The following DLGAP1 variants were observed in gnomAD, a reference collection of about 807,000 sequenced individuals.
The protein encoded by DLGAP1 is disks large-associated protein 1.
DLGAP1 carries 11 observed loss-of-function variants against 90.8 expected under a neutral mutation model. That is an observed-to-expected ratio of 0.12 (90% confidence interval 0.08 to 0.20). DLGAP1 has a LOEUF of 0.20. DLGAP1 is among the 10% of genes least tolerant of loss of function. DLGAP1 has a pLI of 1.00. For synonymous variants in DLGAP1, 558 were observed against 540.7 expected, an observed-to-expected ratio of 1.03 and a Z score of -0.44; for missense variants, 1,050 against 1,333.8, an observed-to-expected ratio of 0.79 and a Z score of 3.31.
Position 3,499,386 on chromosome 18 carries a change from C to T in DLGAP1, c.2733G>A (p.Arg911=), listed in dbSNP as rs1453774913. ...QMDPLDKKER[R]APPPVPKKPA... is the part of the protein sequence containing the mutation. ...GCTTCTTTGGCACTGGAGGAGGGGC[C>T]CTTCTCTCCTGATCAAAGCAGAAGG... The change falls in exon 13 of 13, where the codon AGG becomes AGA. Residue 911 remains arginine, a synonymous_variant. Transcript: ENST00000315677. The surrounding 1 kb of genome is among the most constrained non-coding windows in gnomAD (Gnocchi z 6.4). 2 of 1,548,832 alleles carry T rather than the reference C, an allele frequency of 1.3e-6. No homozygotes were observed. Among genetic ancestry groups the T allele is most frequent in the Non-Finnish European group, 1.7e-6 (2 of 1,146,530 alleles).
At chr18:3,917,437 T>TAG (rs2072170282) in intron 3 of DLGAP1, among the ~76,000 whole-genome samples, 4 of 152,190 alleles carry the variant, frequency 2.6e-5, no homozygotes, top group African/African-American at 9.6e-5. Context: ...AGGAGGCCAA[T>TAG]ATCCATTTCT....
At chr18:4,252,311 C>G (rs1380661101) in intron 1 of DLGAP1, among the ~76,000 whole-genome samples, 1 of 152,184 alleles carries the variant, frequency 6.6e-6, no homozygotes, top group African/African-American at 2.4e-5. Context: ...TGAATGATAT[C>G]TATTCACTTA....
At chr18:3,530,045 T>A (rs1156729935) in intron 10 of DLGAP1, among the ~76,000 whole-genome samples, 1 of 152,200 alleles carries the variant, frequency 6.6e-6, no homozygotes, top group African/African-American at 2.4e-5. Flanking sequence ...GAGAGGTAGA[T>A]CAAGTCTCAG....
At chr18:3,690,380 C>G (rs947046154) in intron 7 of DLGAP1, among the ~76,000 whole-genome samples, 1 of 151,710 alleles carries the variant, frequency 6.6e-6, no homozygotes. Flanking sequence ...AGCTACCAAC[C>G]CAGGGCAAGG....
At chr18:4,150,685 C>T (rs576026743) in intron 2 of DLGAP1, among the ~76,000 whole-genome samples, 5 of 152,332 alleles carry the variant, frequency 3.3e-5, no homozygotes, top group Admixed American at 6.5e-5. Flanking sequence ...CTGCCCACCT[C>T]GGTCTCCCAA....
At chr18:3,549,286 T>C (rs2053237837) in intron 9 of DLGAP1, among the ~76,000 whole-genome samples, 1 of 152,066 alleles carries the variant, frequency 6.6e-6, no homozygotes, top group Admixed American at 6.5e-5. Context: ...GCTGAAGATT[T>C]AGATTTCTCT....
At chr18:4,174,336 TTTA>T (rs948016475) in intron 1 of DLGAP1, among the ~76,000 whole-genome samples, 8 of 151,998 alleles carry the variant, frequency 5.3e-5, no homozygotes, top group African/African-American at 1.2e-4. Flanking sequence ...TATTTTATTT[TTTA>T]TTATTATTTT....
chr18:3,751,430 G>A (rs1431404367), intron 5 of DLGAP1, among the ~76,000 whole-genome samples: 1 of 151,992 alleles, frequency 6.6e-6, no homozygotes, highest in Non-Finnish European at 1.5e-5. Context: ...CTGAGTAGCT[G>A]GGACCACAGG....
intron 1 of DLGAP1, among the ~76,000 whole-genome samples, chr18:4,291,879 T>A (rs1167684555): frequency 6.6e-6 from 1 of 152,156 alleles, no homozygotes; most frequent in Non-Finnish European, 1.5e-5. Flanking sequence ...AATGTTTGAA[T>A]TGCATAAAAA....
chr18:4,204,224 T>G (rs571393621), intron 1 of DLGAP1, among the ~76,000 whole-genome samples: 20 of 152,312 alleles, frequency 1.3e-4, no homozygotes, highest in African/African-American at 4.6e-4. Context: ...AGGAGCAAAC[T>G]CTTTTAAGAT....
chr18:4,445,845 G>A (rs1053704741), intron 1 of DLGAP1, among the ~76,000 whole-genome samples: 10 of 152,106 alleles, frequency 6.6e-5, no homozygotes, highest in African/African-American at 2.4e-4. Flanking sequence ...TAAAATGTGT[G>A]CTGTGAGAGG....
At chr18:3,611,557 T>C (rs937944402) in intron 7 of DLGAP1, among the ~76,000 whole-genome samples, 1 of 152,086 alleles carries the variant, frequency 6.6e-6, no homozygotes, top group African/African-American at 2.4e-5. Flanking sequence ...TGCTTGTCAT[T>C]TCTGTTAACG....
chr18:3,626,402 T>C (rs1349065908), intron 7 of DLGAP1, among the ~76,000 whole-genome samples: 1 of 151,656 alleles, frequency 6.6e-6, no homozygotes, highest in Non-Finnish European at 1.5e-5. Flanking sequence ...AAGACAAGCC[T>C]GGGCAACATG....
chr18:4,251,337 C>A (rs1289177799), intron 1 of DLGAP1, among the ~76,000 whole-genome samples: 1 of 152,156 alleles, frequency 6.6e-6, no homozygotes, highest in African/African-American at 2.4e-5. Flanking sequence ...AGTCCAAGAA[C>A]TTGACTTTAC....
intron 10 of DLGAP1, among the ~76,000 whole-genome samples, chr18:3,518,308 T>C (rs1442520748): frequency 6.6e-6 from 1 of 152,170 alleles, no homozygotes; most frequent in East Asian, 1.9e-4. Context: ...CAGTCTTATA[T>C]GGGCACGGTT....
chr18:4,437,340 A>C (rs1190646329), intron 1 of DLGAP1, among the ~76,000 whole-genome samples: 2 of 152,236 alleles, frequency 1.3e-5, no homozygotes, highest in Non-Finnish European at 2.9e-5. Flanking sequence ...ATTAACAATA[A>C]CTAATGGAAT....
At chr18:3,881,892 A>G (rs2071181222) in intron 3 of DLGAP1, among the ~76,000 whole-genome samples, 1 of 152,120 alleles carries the variant, frequency 6.6e-6, no homozygotes, top group South Asian at 2.1e-4. Flanking sequence ...CAGCCTGGGC[A>G]ACAGAGCAAG....
chr18:4,407,053 G>T (rs535582280), intron 1 of DLGAP1, among the ~76,000 whole-genome samples: 6 of 152,172 alleles, frequency 3.9e-5, no homozygotes, highest in African/African-American at 1.4e-4. Context: ...GTTAGTTGCT[G>T]AACCATGAAA....
chr18:3,838,486 G>A (rs1012678101), intron 4 of DLGAP1, among the ~76,000 whole-genome samples: 2 of 152,128 alleles, frequency 1.3e-5, no homozygotes, highest in African/African-American at 4.8e-5. Flanking sequence ...TAAAAGTGAA[G>A]GATTTCACTC....
Sources: gnomAD v4.1 joint callset for allele counts (sites outside exome capture counted in the v4.1 genomes callset) on GRCh38, gnomAD v4.1.1 for gene constraint, Gnocchi (gnomAD v3.1) non-coding constraint, MANE v1.5 for transcripts, NCBI Gene and HGNC (gene_info 2026-07-23, HGNC 2026-07-21) for gene names.